The following PDK1 variants were observed in gnomAD, a reference collection of about 807,000 sequenced individuals.
PDK1 encodes the protein pyruvate dehydrogenase kinase 1.
Under a neutral mutation model 54.2 loss-of-function variants are expected in PDK1, and 39 were observed. The ratio of observed to expected loss-of-function variants is 0.72; its 90% confidence interval spans 0.56 to 0.94. The LOEUF (loss-of-function observed/expected upper bound fraction) is 0.94, where lower values mean the gene tolerates loss of function less well. PDK1 is among the 40% of genes least tolerant of loss of function. The pLI is 0.00. For synonymous variants in PDK1, 221 were observed against 207.1 expected, an observed-to-expected ratio of 1.07 and a Z score of -0.58; for missense variants, 552 against 566.0, an observed-to-expected ratio of 0.98 and a Z score of 0.25.
At chr2:172,666,835 T>C in the PDK1 span, among the ~76,000 whole-genome samples, 1 of 152,166 alleles carries the variant, frequency 6.6e-6, no homozygotes, top group African/African-American at 2.4e-5. Context: ...GAGCTGAACA[T>C]ACTGATACAT....
At chr2:172,644,594 T>A in the PDK1 span, among the ~76,000 whole-genome samples, 1 of 152,222 alleles carries the variant, frequency 6.6e-6, no homozygotes, top group Admixed American at 6.5e-5. Flanking sequence ...TTTGCCTATA[T>A]GGATAATAAG....
At chr2:172,562,438 A>G in intron 3 of PDK1, 147 bp downstream of exon 3, 1 of 639,370 alleles carries the variant, frequency 1.6e-6, no homozygotes, top group South Asian at 1.9e-5. Flanking sequence ...ACAATCAGCA[A>G]ATTTGACTAG....
chr2:172,620,370 A>T, the PDK1 span, among the ~76,000 whole-genome samples: 6 of 152,276 alleles, frequency 3.9e-5, no homozygotes, highest in East Asian at 7.7e-4. Context: ...GGACTGAAAC[A>T]TGGCCACAGT....
chr2:172,699,237 G>C, the PDK1 span, among the ~76,000 whole-genome samples: 2 of 152,122 alleles, frequency 1.3e-5, no homozygotes, highest in Non-Finnish European at 2.9e-5. Context: ...TTCTATGAGA[G>C]AATAAAAATT....
the PDK1 span, among the ~76,000 whole-genome samples, chr2:172,714,697 A>G: frequency 6.6e-6 from 1 of 152,122 alleles, no homozygotes; most frequent in Non-Finnish European, 1.5e-5. Flanking sequence ...TCCTTTTTAA[A>G]TTAGGTTATA....
At chr2:172,619,467 T>C in the PDK1 span, among the ~76,000 whole-genome samples, 2 of 149,810 alleles carry the variant, frequency 1.3e-5, no homozygotes, top group South Asian at 2.1e-4. Flanking sequence ...ATTTTTGTGC[T>C]TACATTATCT....
the PDK1 span, among the ~76,000 whole-genome samples, chr2:172,701,643 G>GT: frequency 1.3e-4 from 6 of 47,398 alleles, no homozygotes; most frequent in Non-Finnish European, 1.5e-4. Context: ...TTTTTTTTTT[G>GT]TTTTGTTTTT....
At chr2:172,659,242 G>A in the PDK1 span, among the ~76,000 whole-genome samples, 1 of 152,116 alleles carries the variant, frequency 6.6e-6, no homozygotes, top group East Asian at 1.9e-4. Context: ...TGAAATACGG[G>A]GGGCGGTTTC....
chr2:172,558,864 T>C lies in PDK1; in HGVS notation c.338+15T>C, dbSNP rs1330224393. The C allele has an allele frequency of 3.7e-6, 6 of 1,604,130 alleles. No homozygotes were observed. The highest frequency in any genetic ancestry group is 2.2e-5 in the East Asian group (1 of 44,644). Reference sequence around the variant, plus strand: ...GTACAAAGCTGGTAAGATTCTCATCTTGTGTTTGCAATTTGATGGAGTTGT... The same window carrying C: ...GTACAAAGCTGGTAAGATTCTCATCCTGTGTTTGCAATTTGATGGAGTTGT... On this transcript the variant is annotated intron_variant, in intron 2 of 10. Transcript: ENST00000282077.
chr2:172,670,869 G>A, the PDK1 span, among the ~76,000 whole-genome samples: 3 of 152,098 alleles, frequency 2.0e-5, no homozygotes, highest in Non-Finnish European at 2.9e-5. Flanking sequence ...TAAAAGGCAC[G>A]AACGTCCCTC....
the PDK1 span, among the ~76,000 whole-genome samples, chr2:172,646,275 CA>C: frequency 2.0e-5 from 3 of 151,794 alleles, no homozygotes. Context: ...TGTTTTGTTT[CA>C]ATTTTTTGGC....
intron 8 of PDK1, among the ~76,000 whole-genome samples, chr2:172,581,139 C>G (rs1352855833): frequency 6.6e-6 from 1 of 152,220 alleles, no homozygotes; most frequent in African/African-American, 2.4e-5. Context: ...GTTGCCCAGG[C>G]TGGAGTGCGG....
chr2:172,621,836 T>G, the PDK1 span, among the ~76,000 whole-genome samples: 5 of 123,832 alleles, frequency 4.0e-5, no homozygotes, highest in African/African-American at 1.4e-4. Context: ...TGTTTATATC[T>G]CATATGTATG....
At chr2:172,588,795 A>G (rs1045146079) in intron 9 of PDK1, among the ~76,000 whole-genome samples, 1 of 152,202 alleles carries the variant, frequency 6.6e-6, no homozygotes, top group Non-Finnish European at 1.5e-5. Context: ...GGGTCTTTGC[A>G]TGGATAGGCT....
At chr2:172,624,903 A>T in the PDK1 span, among the ~76,000 whole-genome samples, 1 of 151,706 alleles carries the variant, frequency 6.6e-6, no homozygotes, top group African/African-American at 2.4e-5. Context: ...CAGGAGAATC[A>T]CTTGAACCCA....
At chr2:172,707,173 A>T in the PDK1 span, among the ~76,000 whole-genome samples, 4 of 152,236 alleles carry the variant, frequency 2.6e-5, no homozygotes, top group African/African-American at 9.6e-5. Flanking sequence ...TGGGTTCCCT[A>T]TGTGGTCTCC....
At chr2:172,652,596 A>T in the PDK1 span, among the ~76,000 whole-genome samples, 1 of 152,232 alleles carries the variant, frequency 6.6e-6, no homozygotes, top group Non-Finnish European at 1.5e-5. Context: ...AAATCTCCTT[A>T]AGCTGATAAG....
the PDK1 span, among the ~76,000 whole-genome samples, chr2:172,662,051 A>G: frequency 1.3e-5 from 2 of 152,250 alleles, no homozygotes; most frequent in African/African-American, 2.4e-5. Flanking sequence ...TAGTACAAAC[A>G]CTAAGAGAAT....
chr2:172,664,347 T>G, the PDK1 span, among the ~76,000 whole-genome samples: 2 of 128,858 alleles, frequency 1.6e-5, no homozygotes, highest in African/African-American at 5.7e-5. Flanking sequence ...ATTGCCTTGC[T>G]TTATATGTTG....
Sources: gnomAD v4.1 joint callset for allele counts (sites outside exome capture counted in the v4.1 genomes callset) on GRCh38, gnomAD v4.1.1 for gene constraint, MANE v1.5 for transcripts, NCBI Gene and HGNC (gene_info 2026-07-23, HGNC 2026-07-21) for gene names.